The following CTNNA2 variants were observed in gnomAD, a reference collection of about 807,000 sequenced individuals.
The protein encoded by CTNNA2 is catenin alpha 2.
A neutral mutation model predicts 101.0 loss-of-function variants in CTNNA2; 42 were observed. The ratio of observed to expected loss-of-function variants is 0.42; its 90% CI spans 0.32 to 0.54. CTNNA2 has a LOEUF of 0.54. Among genes scored for constraint, CTNNA2 ranks in the 20% least tolerant of loss-of-function variants. CTNNA2 has a pLI of 0.14. For missense variants in CTNNA2, 871 were observed against 1,223.1 expected (o/e 0.71, Z 4.29); for synonymous variants, 450 against 456.4 (o/e 0.99, Z 0.18).
chr2:80,537,970 C>G (rs1206595493), intron 9 of CTNNA2, among the ~76,000 whole-genome samples: 1 of 152,150 alleles, frequency 6.6e-6, no homozygotes, highest in Non-Finnish European at 1.5e-5. Flanking sequence ...TTGCATTTCT[C>G]TAATGACCAG....
intron 18 of CTNNA2, among the ~76,000 whole-genome samples, chr2:80,623,483 A>C (rs530372578): frequency 6.6e-6 from 1 of 152,044 alleles, no homozygotes; most frequent in African/African-American, 2.4e-5. Context: ...TTCCAGGATA[A>C]CTGAAGCTGA....
In CTNNA2 at chr2:80,443,835, A is replaced by G. The variant is rs544670229; in HGVS notation, c.1290+24234A>G. Among the ~76,000 whole-genome samples, 25 of 152,348 alleles carry G rather than the reference A, an allele frequency of 1.6e-4. No homozygotes were observed. In the South Asian group the frequency reaches 5.2e-3, roughly 32 times the overall value. ...TTTAATATTTCAGACAAGCCTTTGA[A>G]AATCTCTGGGACAGAAAAGAGACCA... On this transcript the variant is annotated intron_variant, in intron 9 of 18. Coordinates refer to ENST00000402739, the MANE Select transcript of CTNNA2 (RefSeq NM_001282597.3).
At chr2:79,554,035 C>CAAAT (rs1674286732) in intron 1 of CTNNA2, among the ~76,000 whole-genome samples, 1 of 152,120 alleles carries the variant, frequency 6.6e-6, no homozygotes, top group Non-Finnish European at 1.5e-5. Context: ...TTTCACACTA[C>CAAAT]AAATAGATTT....
intron 3 of CTNNA2, among the ~76,000 whole-genome samples, chr2:79,336,152 TA>T (rs1406841938): frequency 6.6e-6 from 1 of 152,222 alleles, no homozygotes; most frequent in African/African-American, 2.4e-5. Context: ...TAGCCTTTAG[TA>T]ATGCAATTCA....
At chr2:79,952,862 T>C (rs944299160) in intron 7 of CTNNA2, among the ~76,000 whole-genome samples, 4 of 152,218 alleles carry the variant, frequency 2.6e-5, no homozygotes, top group Admixed American at 6.5e-5. Context: ...TGTCTGGTTC[T>C]ATGGAGAAAC....
At chr2:79,799,094 G>T (rs941822160) in intron 3 of CTNNA2, among the ~76,000 whole-genome samples, 2 of 152,096 alleles carry the variant, frequency 1.3e-5, no homozygotes, top group Non-Finnish European at 2.9e-5. Context: ...TACTTTCCTA[G>T]GCAGCTCCTG....
intron 7 of CTNNA2, among the ~76,000 whole-genome samples, chr2:80,188,307 T>G (rs543774064): frequency 2.0e-5 from 3 of 152,264 alleles, no homozygotes; most frequent in South Asian, 4.2e-4. Context: ...ATAAGAAGAT[T>G]TTTTAGTTTT....
intron 9 of CTNNA2, among the ~76,000 whole-genome samples, chr2:80,423,528 C>T (rs1285005098): frequency 6.6e-6 from 1 of 151,872 alleles, no homozygotes; most frequent in Non-Finnish European, 1.5e-5. Flanking sequence ...ATATTAATCA[C>T]AGTTATTTCA....
chr2:79,966,540 A>C (rs1049347156), intron 7 of CTNNA2, among the ~76,000 whole-genome samples: 4 of 152,124 alleles, frequency 2.6e-5, no homozygotes, highest in African/African-American at 9.7e-5. Flanking sequence ...CTGGCCTGTA[A>C]CTGGGACCTT....
chr2:79,902,700 C>T (rs1319646072), intron 6 of CTNNA2, among the ~76,000 whole-genome samples: 1 of 151,390 alleles, frequency 6.6e-6, no homozygotes, highest in Non-Finnish European at 1.5e-5. Flanking sequence ...GAGCTCAGCT[C>T]ACTGCAACTT....
intron 2 of CTNNA2, among the ~76,000 whole-genome samples, chr2:79,706,018 T>A (rs1044794179): frequency 6.6e-6 from 1 of 151,974 alleles, no homozygotes; most frequent in Non-Finnish European, 1.5e-5. Context: ...TAAAGATAAC[T>A]GTATGCCAGA....
chr2:80,515,165 T>TC (rs776545426), intron 9 of CTNNA2, among the ~76,000 whole-genome samples: 1 of 148,588 alleles, frequency 6.7e-6, no homozygotes, highest in Admixed American at 6.7e-5. Context: ...TTTTTTTTTT[T>TC]CCCCCTTGGA....
chr2:79,442,830 G>A (rs1678790882), intron 4 of CTNNA2, among the ~76,000 whole-genome samples: 1 of 152,114 alleles, frequency 6.6e-6, no homozygotes, highest in Non-Finnish European at 1.5e-5. Flanking sequence ...ATTCAAAGCA[G>A]AGTGGTAATG....
At chr2:80,120,875 A>C (rs946468092) in intron 7 of CTNNA2, among the ~76,000 whole-genome samples, 3 of 152,202 alleles carry the variant, frequency 2.0e-5, no homozygotes, top group Admixed American at 6.5e-5. Context: ...GCCTTGGAAC[A>C]GTTATGTCCC....
chr2:80,271,198 T>TC (rs1188510286), intron 7 of CTNNA2, among the ~76,000 whole-genome samples: 9 of 152,152 alleles, frequency 5.9e-5, no homozygotes, highest in African/African-American at 1.9e-4. Context: ...TCTGTCTTTA[T>TC]CCCCCCCTTG....
intron 7 of CTNNA2, among the ~76,000 whole-genome samples, chr2:80,253,005 G>A (rs1671880133): frequency 6.6e-6 from 1 of 152,120 alleles, no homozygotes; most frequent in South Asian, 2.1e-4. Context: ...AGTAGCAGAT[G>A]TAGATCTGTT....
intron 6 of CTNNA2, among the ~76,000 whole-genome samples, chr2:79,891,022 G>T (rs774201710): frequency 6.6e-6 from 1 of 150,568 alleles, no homozygotes; most frequent in African/African-American, 2.4e-5. Context: ...ATCACTTTGG[G>T]TATTAAATTC....
chr2:79,486,005 G>A (rs1233832480), intron 4 of CTNNA2, among the ~76,000 whole-genome samples: 2 of 152,024 alleles, frequency 1.3e-5, no homozygotes, highest in Non-Finnish European at 2.9e-5. Context: ...ATGAGAAGTT[G>A]AGAACTCAAT....
intron 7 of CTNNA2, among the ~76,000 whole-genome samples, chr2:79,938,622 C>G (rs1687945649): frequency 6.6e-6 from 1 of 152,174 alleles, no homozygotes; most frequent in African/African-American, 2.4e-5. Context: ...TCAGAGTATG[C>G]ACTTTTTGCA....
Sources: allele counts gnomAD v4.1 joint callset (sites outside exome capture counted in the v4.1 genomes callset), GRCh38; gene constraint gnomAD v4.1.1; transcripts MANE v1.5; gene names NCBI Gene and HGNC (gene_info 2026-07-23, HGNC 2026-07-21).